The following SH3KBP1 variants were observed in gnomAD, a reference collection of about 807,000 sequenced individuals.
SH3KBP1 encodes SH3 domain containing kinase binding protein 1.
Under a neutral mutation model 50.1 loss-of-function variants are expected in SH3KBP1, and 8 were observed. That is an observed-to-expected ratio of 0.16 (90% CI 0.09 to 0.29). The LOEUF (loss-of-function observed/expected upper bound fraction) is 0.29. Among genes scored for constraint, SH3KBP1 ranks in the 10% least tolerant of loss-of-function variants. The pLI is 1.00. For missense variants in SH3KBP1, 377 were observed against 535.2 expected, an observed-to-expected ratio of 0.70 and a Z score of 2.92; for synonymous variants, 227 against 218.6, an observed-to-expected ratio of 1.04 and a Z score of -0.34.
At chrX:19,541,304 C>T (rs1393958674) in intron 16 of SH3KBP1, among the ~76,000 whole-genome samples, 13 of 111,923 alleles carry the variant, frequency 1.2e-4, no homozygotes, top group Non-Finnish European at 2.4e-4. Flanking sequence ...GTGTCCAGGT[C>T]TTTCTCCTCA....
At chrX:19,827,610 C>T (rs1317117483) in intron 2 of SH3KBP1, among the ~76,000 whole-genome samples, 1 of 110,349 alleles carries the variant, frequency 9.1e-6, no homozygotes. Flanking sequence ...ACATGCTTTG[C>T]TTGACTAAAG....
At chrX:19,722,555 T>C (rs201387962) in intron 3 of SH3KBP1, among the ~76,000 whole-genome samples, 1,196 of 96,671 alleles carry the variant, frequency 0.012, 13 homozygotes, top group Middle Eastern at 0.041. Flanking sequence ...TGTGTGTGTG[T>C]GCGCGTGCGC....
chrX:19,876,312 G>A (rs1277978793), intron 1 of SH3KBP1, among the ~76,000 whole-genome samples: 2 of 112,029 alleles, frequency 1.8e-5, no homozygotes, highest in Non-Finnish European at 3.8e-5. Context: ...AGTGAGCGGA[G>A]ATCACACCAC....
chrX:19,885,965 A>G (rs1190426911), intron 1 of SH3KBP1, among the ~76,000 whole-genome samples: 1 of 111,113 alleles, frequency 9.0e-6, no homozygotes, highest in African/African-American at 3.3e-5. Flanking sequence ...CCCTATGGTC[A>G]CAGAGCTTAC....
At chrX:19,705,791 G>A (rs1405040260) in intron 4 of SH3KBP1, among the ~76,000 whole-genome samples, 8 of 111,873 alleles carry the variant, frequency 7.2e-5, no homozygotes, top group Non-Finnish European at 1.3e-4. Context: ...AAATTTTGAC[G>A]AGCAGAAATG....
At chrX:19,603,682 G>T (rs1298029298) in intron 9 of SH3KBP1, among the ~76,000 whole-genome samples, 1 of 111,986 alleles carries the variant, frequency 8.9e-6, no homozygotes, top group African/African-American at 3.2e-5. Context: ...AAAAGAACTG[G>T]AGCCTGAGAT....
intron 2 of SH3KBP1, among the ~76,000 whole-genome samples, chrX:19,747,230 G>A (rs964284684): frequency 8.9e-6 from 1 of 112,065 alleles, no homozygotes; most frequent in Non-Finnish European, 1.9e-5. Flanking sequence ...GAAATCTGAT[G>A]GCTAATATAA....
chrX:19,813,182 A>G (rs945424725), intron 2 of SH3KBP1, among the ~76,000 whole-genome samples: 1 of 109,497 alleles, frequency 9.1e-6, no homozygotes, highest in Non-Finnish European at 1.9e-5. Context: ...GAAGAAGAAG[A>G]AGAAGAAGGA....
chrX:19,541,714 C>T (rs1488662504), intron 16 of SH3KBP1, among the ~76,000 whole-genome samples: 1 of 112,291 alleles, frequency 8.9e-6, no homozygotes, highest in African/African-American at 3.2e-5. Flanking sequence ...GCCCTTCCTG[C>T]ACACAGTAAG....
chrX:19,776,523 G>C (rs1242021984), intron 2 of SH3KBP1, among the ~76,000 whole-genome samples: 2 of 82,615 alleles, frequency 2.4e-5, no homozygotes, highest in African/African-American at 9.7e-5. Context: ...AATCTAGCTT[G>C]ACAACCTGGT....
intron 6 of SH3KBP1, among the ~76,000 whole-genome samples, chrX:19,648,816 C>T (rs987891040): frequency 3.6e-5 from 4 of 111,336 alleles, no homozygotes; most frequent in African/African-American, 6.5e-5. Flanking sequence ...CTCTAGCCCC[C>T]GCCCTTCCCT....
intron 8 of SH3KBP1, among the ~76,000 whole-genome samples, chrX:19,617,829 C>A (rs982229345): frequency 1.8e-5 from 2 of 112,069 alleles, no homozygotes; most frequent in East Asian, 5.6e-4. Flanking sequence ...CACCACCCTA[C>A]CCTCACAGCA....
intron 3 of SH3KBP1, among the ~76,000 whole-genome samples, chrX:19,732,286 A>G (rs1258204674): frequency 9.0e-6 from 1 of 111,194 alleles, no homozygotes; most frequent in Non-Finnish European, 1.9e-5. Flanking sequence ...AATATACAAT[A>G]TAACACTGTT....
At chrX:19,544,552 T>C (rs113577904) in intron 15 of SH3KBP1, among the ~76,000 whole-genome samples, 1,291 of 111,770 alleles carry the variant, frequency 0.012, 25 homozygotes, top group African/African-American at 0.04. Context: ...CATCTATTCC[T>C]GGGCTTATGC....
intron 12 of SH3KBP1, 192 bp downstream of exon 12, chrX:19,588,451 C>T (rs1435716631): frequency 8.6e-7 from 1 of 1,169,526 alleles, no homozygotes; most frequent in Non-Finnish European, 1.1e-6. Context: ...CACACTCACT[C>T]CTGCCTGAGT....
intron 1 of SH3KBP1, among the ~76,000 whole-genome samples, chrX:19,866,665 GC>G (rs933268827): frequency 9.5e-6 from 1 of 105,307 alleles, no homozygotes; most frequent in African/African-American, 3.6e-5. Flanking sequence ...ACTCTAGCCT[GC>G]GCAACAGAGC....
intron 1 of SH3KBP1, among the ~76,000 whole-genome samples, chrX:19,872,834 C>CACAA (rs1491484000): frequency 2.5e-5 from 2 of 80,282 alleles, no homozygotes; most frequent in African/African-American, 1.4e-4. Context: ...CTCTCTCTCT[C>CACAA]ACACACACAC....
intron 1 of SH3KBP1, 150 bp from the exon 2 acceptor site, chrX:19,836,432 T>C: frequency 2.0e-6 from 1 of 508,905 alleles, no homozygotes; most frequent in East Asian, 3.7e-5. Context: ...TAACCCAATT[T>C]TGGTTAACCT....
chrX:19,633,156 T>A (rs978039922), intron 7 of SH3KBP1, among the ~76,000 whole-genome samples: 1 of 111,924 alleles, frequency 8.9e-6, no homozygotes. Flanking sequence ...AGGGTTGGGA[T>A]AGGACAGAGA....
Sources: allele counts gnomAD v4.1 joint callset (sites outside exome capture counted in the v4.1 genomes callset), GRCh38; gene constraint gnomAD v4.1.1; transcripts MANE v1.5; gene names NCBI Gene and HGNC (gene_info 2026-07-23, HGNC 2026-07-21).